The following SDK1 variants were observed in gnomAD, a reference collection of about 807,000 sequenced individuals.
SDK1 encodes the protein protein sidekick-1.
A neutral mutation model predicts 245.5 loss-of-function variants in SDK1; 157 were observed. That is an observed-to-expected ratio of 0.64 (90% confidence interval 0.56 to 0.73). The LOEUF is 0.73. Among genes scored for constraint, SDK1 ranks in the 30% least tolerant of loss-of-function variants. The pLI, the probability that SDK1 is intolerant of heterozygous loss-of-function variation, is 0.00. For synonymous variants in SDK1, 1,647 were observed against 1,278.5 expected, an observed-to-expected ratio of 1.29 and a Z score of -6.15; for missense variants, 3,583 against 3,002.3, an observed-to-expected ratio of 1.19 and a Z score of -4.52.
intron 1 of SDK1, among the ~76,000 whole-genome samples, chr7:3,442,308 A>G (rs999821541): frequency 6.6e-6 from 1 of 152,228 alleles, no homozygotes; most frequent in African/African-American, 2.4e-5. Flanking sequence ...AAGGAAGCCA[A>G]GGTTCAACTC....
chr7:4,125,073 A>C (rs1460096353), intron 25 of SDK1, among the ~76,000 whole-genome samples: 1 of 148,932 alleles, frequency 6.7e-6, no homozygotes, highest in Non-Finnish European at 1.5e-5. Flanking sequence ...GGGTGGATGG[A>C]TGGATGGATG....
chr7:4,094,495 C>T (rs1782015581), intron 22 of SDK1, among the ~76,000 whole-genome samples: 1 of 152,200 alleles, frequency 6.6e-6, no homozygotes, highest in African/African-American at 2.4e-5. Context: ...CAGTGCTGTG[C>T]TAGGCACAGG....
Position 4,127,493 on chromosome 7 carries a change from C to T in SDK1, c.3936C>T (p.Tyr1312=), listed in dbSNP as rs748731194. Residue 1312 remains tyrosine, a synonymous_variant, in exon 26 of 45, where the codon TAC becomes TAT. Coordinates refer to ENST00000404826, the MANE Select transcript of SDK1 (RefSeq NM_152744.4). The part of the protein sequence containing the change: ...EQDQNGLILG[Y]KILFRAKDLD... Reference sequence around the variant, plus strand: ...ACCAGAATGGGCTCATACTGGGCTACAAGGTGTGTGATCACAGGATGACCT... The same window carrying T: ...ACCAGAATGGGCTCATACTGGGCTATAAGGTGTGTGATCACAGGATGACCT... 4.3e-6 allele frequency: 7 copies of T among 1,610,204 alleles called. No individual in the cohort carries two copies. In the African/African-American group the frequency reaches 8.0e-5, roughly 18 times the overall value.
At chr7:4,106,307 CTTTT>C (rs773537615) in intron 22 of SDK1, among the ~76,000 whole-genome samples, 1 of 142,298 alleles carries the variant, frequency 7.0e-6, no homozygotes, top group Non-Finnish European at 1.5e-5. Flanking sequence ...TTTTTTCTTT[CTTTT>C]TTTTTTTTTT....
intron 1 of SDK1, among the ~76,000 whole-genome samples, chr7:3,582,313 G>A (rs1780527443): frequency 6.7e-6 from 1 of 149,920 alleles, no homozygotes; most frequent in African/African-American, 2.5e-5. Context: ...CCCTCAGGTA[G>A]GTCTGTCTCA....
At chr7:3,884,379 A>G (rs1234717038) in intron 5 of SDK1, among the ~76,000 whole-genome samples, 2 of 152,138 alleles carry the variant, frequency 1.3e-5, no homozygotes, top group Non-Finnish European at 2.9e-5. Flanking sequence ...GTTTGAACTC[A>G]GTGCGCGGGA....
intron 29 of SDK1, among the ~76,000 whole-genome samples, chr7:4,146,491 G>T (rs918567815): frequency 1.3e-5 from 2 of 151,874 alleles, no homozygotes; most frequent in African/African-American, 4.8e-5. Context: ...TCAGACACCT[G>T]AGCATTGCAT....
intron 1 of SDK1, among the ~76,000 whole-genome samples, chr7:3,534,814 A>T (rs775066079): frequency 1.7e-4 from 26 of 152,260 alleles, no homozygotes; most frequent in Middle Eastern, 3.2e-3. Context: ...ATCAAGCTGG[A>T]AATAGATGCC....
At chr7:3,751,614 A>G (rs529235045) in intron 4 of SDK1, among the ~76,000 whole-genome samples, 1 of 152,270 alleles carries the variant, frequency 6.6e-6, no homozygotes, top group Non-Finnish European at 1.5e-5. Flanking sequence ...TGATAGCCAC[A>G]CCGACTTCCT....
intron 1 of SDK1, among the ~76,000 whole-genome samples, chr7:3,347,611 C>A (rs955451271): frequency 1.3e-5 from 2 of 152,166 alleles, no homozygotes; most frequent in South Asian, 2.1e-4. Context: ...TCCACTAGAA[C>A]AATATTTCCC....
intron 4 of SDK1, among the ~76,000 whole-genome samples, chr7:3,770,064 A>G (rs375743663): frequency 1.4e-4 from 22 of 152,006 alleles, no homozygotes; most frequent in African/African-American, 5.3e-4. Context: ...ATGAGGAGTG[A>G]GGGAGATGAG....
In SDK1 at chr7:3,431,522, T is replaced by C. The variant is rs1779847293; in HGVS notation, c.298+129638T>C. 2.0e-5 allele frequency among the ~76,000 whole-genome samples: 3 copies of C among 152,132 alleles called. No homozygotes were observed. The South Asian group carries it at 6.2e-4, about 31-fold the overall frequency. On this transcript the variant is annotated intron_variant, in intron 1 of 44. Transcript: ENST00000404826. ...CACATTCTTTGCTGCTTCATTGCAA[T>C]GAAAAATACCAAAGGTGAATACCAA...
At chr7:3,427,665 C>T (rs901883268) in intron 1 of SDK1, among the ~76,000 whole-genome samples, 43 of 152,114 alleles carry the variant, frequency 2.8e-4, no homozygotes, top group African/African-American at 1.0e-3. Context: ...TTCCATACTC[C>T]TTTCTAAGTT....
At chr7:4,121,162 ATGT>A (rs1784040398) in intron 25 of SDK1, among the ~76,000 whole-genome samples, 2 of 151,834 alleles carry the variant, frequency 1.3e-5, no homozygotes, top group African/African-American at 4.8e-5. Context: ...TTCTCTAGCG[ATGT>A]TGTTTATTTT....
chr7:4,234,369 C>T (rs973106545), intron 41 of SDK1, among the ~76,000 whole-genome samples: 5 of 152,152 alleles, frequency 3.3e-5, no homozygotes, highest in East Asian at 1.9e-4. Flanking sequence ...GCTTCCTCCC[C>T]GAGAGCACCC....
rs568597504 is a variant in SDK1, at chr7:3,841,486, G to A, written c.847+19903G>A. Among the ~76,000 whole-genome samples the A allele has an allele frequency of 2.6e-5, 4 of 152,226 alleles. No individual in the cohort carries two copies. The East Asian group carries it at 7.7e-4, about 29-fold the overall frequency. On this transcript the variant is annotated intron_variant, in intron 5 of 44. Transcript: ENST00000404826. ...ACATCTTGCGCTAATGAGTTTCTGG[G>A]CCCCAGTAGACACTGAGCTCCAGGT...
chr7:3,998,787 C>G (rs917158914), intron 14 of SDK1, among the ~76,000 whole-genome samples: 1 of 152,220 alleles, frequency 6.6e-6, no homozygotes, highest in Non-Finnish European at 1.5e-5. Context: ...GCATCGCTCG[C>G]TGTCTTCCAC....
At chr7:3,402,652 C>T (rs1181755014) in intron 1 of SDK1, among the ~76,000 whole-genome samples, 1 of 151,928 alleles carries the variant, frequency 6.6e-6, no homozygotes, top group African/African-American at 2.4e-5. Context: ...TTCATCTGGG[C>T]CATTTTTGAG....
Position 3,561,407 on chromosome 7 carries a change from T to C in SDK1, c.299-57673T>C, listed in dbSNP as rs1779746236. On this transcript the variant is annotated intron_variant, in intron 1 of 44. Coordinates refer to ENST00000404826, the MANE Select transcript of SDK1 (RefSeq NM_152744.4). ...ACTGTCTCCTCTCTGGTCACTTGTT[T>C]GTTCCTGGGTTTCATAGGTGTGTTT... 2.0e-5 allele frequency among the ~76,000 whole-genome samples: 3 copies of C among 152,320 alleles called. No homozygotes were observed. In the South Asian group the frequency reaches 6.2e-4, roughly 32 times the overall value.
Sources: allele counts gnomAD v4.1 joint callset (sites outside exome capture counted in the v4.1 genomes callset), GRCh38; gene constraint gnomAD v4.1.1; transcripts MANE v1.5; gene names NCBI Gene and HGNC (gene_info 2026-07-23, HGNC 2026-07-21).